AMPH: variants seen among roughly 807,000 people sequenced by gnomAD.
The protein encoded by AMPH is amphiphysin.
In AMPH, 49 loss-of-function variants were observed where a neutral mutation model predicts 99.1. That is an observed-to-expected ratio of 0.49 (90% CI 0.39 to 0.63). AMPH has a LOEUF of 0.63. AMPH is among the 20% of genes least tolerant of loss of function. The pLI, the probability that AMPH is intolerant of heterozygous loss-of-function variation, is 0.00. For synonymous variants in AMPH, 314 were observed against 317.3 expected, an observed-to-expected ratio of 0.99 and a Z score of 0.11; for missense variants, 759 against 863.4, an observed-to-expected ratio of 0.88 and a Z score of 1.52.
chr7:38,568,343 T>C (rs1056034681), intron 1 of AMPH, among the ~76,000 whole-genome samples: 16 of 152,190 alleles, frequency 1.1e-4, no homozygotes, highest in Non-Finnish European at 1.9e-4. Flanking sequence ...TGGGTGCCTG[T>C]AGTCCCAGCT....
rs181063311 is a variant in AMPH, at chr7:38,543,175, T to C, written c.70-8164A>G. Among the ~76,000 whole-genome samples, 598 of 152,096 alleles carry C rather than the reference T, an allele frequency of 3.9e-3. 3 individuals carry two copies. The highest frequency in any genetic ancestry group is 0.014 in the African/African-American group (566 of 41,474). ...GGGAGGCTGAGGCAGGAGGATTGCT[T>C]GAGCCCAGGAGGTTGAGGCTACAGT... is the stretch of plus-strand genomic sequence containing the variant. On this transcript the variant is annotated intron_variant, in intron 1 of 20. Coordinates refer to ENST00000356264, the MANE Select transcript of AMPH (RefSeq NM_001635.4).
chr7:38,591,438 C>T (rs1382131379), intron 1 of AMPH, among the ~76,000 whole-genome samples: 1 of 152,070 alleles, frequency 6.6e-6, no homozygotes, highest in Non-Finnish European at 1.5e-5. Flanking sequence ...CAGGCGTGCG[C>T]CACCATGCCC....
intron 3 of AMPH, among the ~76,000 whole-genome samples, chr7:38,500,136 T>C (rs1244342222): frequency 6.6e-6 from 1 of 152,210 alleles, no homozygotes; most frequent in East Asian, 1.9e-4. Flanking sequence ...CCAGGAACAA[T>C]ATTCATTCTT....
At chr7:38,523,122 A>T in intron 2 of AMPH, among the ~76,000 whole-genome samples, 1 of 143,830 alleles carries the variant, frequency 7.0e-6, no homozygotes, top group African/African-American at 2.5e-5. Context: ...AAAAAAAAAA[A>T]GAAGGTGGGG....
chr7:38,406,567 G>A (rs964741054), intron 17 of AMPH, among the ~76,000 whole-genome samples: 1 of 152,064 alleles, frequency 6.6e-6, no homozygotes, highest in Non-Finnish European at 1.5e-5. Context: ...GTTGGTGCCA[G>A]AGGAGACTGA....
intron 1 of AMPH, among the ~76,000 whole-genome samples, chr7:38,621,325 A>G (rs551068461): frequency 6.6e-6 from 1 of 152,312 alleles, no homozygotes; most frequent in African/African-American, 2.4e-5. Context: ...GCAAAAGTTT[A>G]TCTCACTATC....
chr7:38,558,869 T>C (rs1451325948), intron 1 of AMPH, among the ~76,000 whole-genome samples: 2 of 152,184 alleles, frequency 1.3e-5, no homozygotes, highest in African/African-American at 4.8e-5. Flanking sequence ...GTTTTTGCAA[T>C]TGGCACGTAT....
chr7:38,393,146 A>T (rs1168566901), intron 18 of AMPH, among the ~76,000 whole-genome samples: 1 of 152,184 alleles, frequency 6.6e-6, no homozygotes, highest in Non-Finnish European at 1.5e-5. Flanking sequence ...TGATGAGAAA[A>T]TCTAAGGGGA....
chr7:38,488,265 G>C (rs1307793590), intron 5 of AMPH, among the ~76,000 whole-genome samples: 2 of 152,176 alleles, frequency 1.3e-5, no homozygotes, highest in Non-Finnish European at 2.9e-5. Flanking sequence ...CAAAGACTTG[G>C]AACCAACCCA....
intron 2 of AMPH, among the ~76,000 whole-genome samples, chr7:38,522,476 C>A (rs758606025): frequency 3.9e-5 from 6 of 152,138 alleles, no homozygotes. Context: ...AGCGGGGAGA[C>A]TCTCAGAAGG....
chr7:38,553,142 G>T (rs1446672889), intron 1 of AMPH, among the ~76,000 whole-genome samples: 1 of 152,200 alleles, frequency 6.6e-6, no homozygotes, highest in Non-Finnish European at 1.5e-5. Flanking sequence ...TATGACTTCT[G>T]ATCTCACTGG....
intron 17 of AMPH, among the ~76,000 whole-genome samples, chr7:38,404,286 A>G (rs1318085457): frequency 1.3e-5 from 2 of 152,022 alleles, no homozygotes; most frequent in African/African-American, 4.8e-5. Context: ...TCCATTCATC[A>G]TCCAGCTACC....
chr7:38,541,969 G>T (rs769156522), intron 1 of AMPH, among the ~76,000 whole-genome samples: 1 of 152,150 alleles, frequency 6.6e-6, no homozygotes, highest in Non-Finnish European at 1.5e-5. Context: ...ACCTGAAAAG[G>T]TATCATGTTG....
At chr7:38,441,970 G>A (rs1253629269) in intron 11 of AMPH, among the ~76,000 whole-genome samples, 1 of 151,358 alleles carries the variant, frequency 6.6e-6, no homozygotes, top group Non-Finnish European at 1.5e-5. Flanking sequence ...GGATGGAACT[G>A]GAGGCCATTG....
intron 1 of AMPH, among the ~76,000 whole-genome samples, chr7:38,621,466 C>T (rs904703633): frequency 1.3e-5 from 2 of 152,132 alleles, no homozygotes; most frequent in African/African-American, 4.8e-5. Context: ...ACCAAATTGA[C>T]TTGACAATAG....
At chr7:38,567,846 TTATTA>T (rs1791802882) in intron 1 of AMPH, among the ~76,000 whole-genome samples, 1 of 152,210 alleles carries the variant, frequency 6.6e-6, no homozygotes, top group African/African-American at 2.4e-5. Flanking sequence ...ACCCATGTGA[TTATTA>T]TGACTCTCCA....
At chr7:38,490,945 C>A (rs762630218) in intron 5 of AMPH, 105 bp downstream of exon 5, 178 of 691,810 alleles carry the variant, frequency 2.6e-4, no homozygotes, top group Non-Finnish European at 4.0e-4. Context: ...TACCAACTAT[C>A]TTTGATGTCA....
intron 1 of AMPH, among the ~76,000 whole-genome samples, chr7:38,582,857 CT>C (rs146320132): frequency 0.084 from 12,808 of 152,212 alleles, 706 homozygotes; most frequent in East Asian, 0.25. Context: ...CTGAAACAAC[CT>C]TATTTATTCA....
intron 1 of AMPH, among the ~76,000 whole-genome samples, chr7:38,567,011 C>T (rs1312271398): frequency 6.6e-6 from 1 of 152,170 alleles, no homozygotes; most frequent in Non-Finnish European, 1.5e-5. Context: ...ACTAGAAATA[C>T]CATTTGACCC....
Sources: allele counts gnomAD v4.1 joint callset (sites outside exome capture counted in the v4.1 genomes callset), GRCh38; gene constraint gnomAD v4.1.1; transcripts MANE v1.5; gene names NCBI Gene and HGNC (gene_info 2026-07-23, HGNC 2026-07-21).